FHIT: variants seen among roughly 807,000 people sequenced by gnomAD.
FHIT encodes the protein bis(5'-adenosyl)-triphosphatase.
In FHIT, 19 loss-of-function variants were observed where a neutral mutation model predicts 17.9. That is an observed-to-expected ratio of 1.06 (90% CI 0.74 to 1.56). FHIT has a LOEUF of 1.56. FHIT is among the 40% of genes most tolerant of loss of function. FHIT has a pLI of 0.00. For synonymous variants in FHIT, 81 were observed against 69.7 expected, an observed-to-expected ratio of 1.16 and a Z score of -0.81; for missense variants, 248 against 189.2, an observed-to-expected ratio of 1.31 and a Z score of -1.82.
intron 5 of FHIT, among the ~76,000 whole-genome samples, chr3:60,500,462 C>G (rs1043581194): frequency 6.6e-6 from 1 of 152,068 alleles, no homozygotes. Flanking sequence ...GTAAGCATCA[C>G]CTAGCAAGAG....
intron 8 of FHIT, among the ~76,000 whole-genome samples, chr3:59,882,987 A>G (rs545052506): frequency 6.6e-5 from 10 of 152,324 alleles, no homozygotes; most frequent in Admixed American, 1.3e-4. Context: ...TTACTAGGTC[A>G]GCAAACCTCC....
At chr3:61,104,922 A>G (rs1404594745) in intron 2 of FHIT, among the ~76,000 whole-genome samples, 1 of 152,084 alleles carries the variant, frequency 6.6e-6, no homozygotes, top group Non-Finnish European at 1.5e-5. Flanking sequence ...TATGAGGTCA[A>G]TTACATTCTT....
intron 3 of FHIT, among the ~76,000 whole-genome samples, chr3:60,860,173 T>TAC (rs1559778171): frequency 0.041 from 3,467 of 85,198 alleles, 629 homozygotes; most frequent in African/African-American, 0.074. Context: ...ATCATATGTA[T>TAC]ATATGGTATA....
At chr3:60,566,351 C>A (rs2037133383) in intron 4 of FHIT, among the ~76,000 whole-genome samples, 1 of 152,068 alleles carries the variant, frequency 6.6e-6, no homozygotes, top group Non-Finnish European at 1.5e-5. Context: ...GAACCAACGA[C>A]AAAAACCACA....
chr3:60,840,082 C>T (rs561171156), intron 3 of FHIT, among the ~76,000 whole-genome samples: 2 of 152,142 alleles, frequency 1.3e-5, no homozygotes, highest in African/African-American at 4.8e-5. Context: ...GGAAAGATAT[C>T]TTCAGAGCCT....
At chr3:60,608,961 A>G (rs992528894) in intron 4 of FHIT, among the ~76,000 whole-genome samples, 3 of 152,036 alleles carry the variant, frequency 2.0e-5, no homozygotes, top group Non-Finnish European at 4.4e-5. Context: ...ATGTTTTAAA[A>G]GTCAGTTGAT....
intron 3 of FHIT, among the ~76,000 whole-genome samples, chr3:60,978,398 C>T (rs989280107): frequency 2.0e-5 from 3 of 152,132 alleles, no homozygotes; most frequent in Non-Finnish European, 4.4e-5. Context: ...TAGGGAAACC[C>T]AAGCCTCAGG....
At chr3:60,406,954 C>T (rs1157639897) in intron 5 of FHIT, among the ~76,000 whole-genome samples, 2 of 151,858 alleles carry the variant, frequency 1.3e-5, no homozygotes, top group African/African-American at 2.4e-5. Context: ...TAAGACTGTT[C>T]AGTAGCACTT....
Position 61,083,365 on chromosome 3 carries a change from C to T in FHIT, c.-163-41266G>A, listed in dbSNP as rs1463086312. Reference sequence around the variant, plus strand: ...CAGCACTTTGGGAGGCCGAGGCGGGCGGATCACGAGGTCAGGAGATCGAGA... The same window carrying T: ...CAGCACTTTGGGAGGCCGAGGCGGGTGGATCACGAGGTCAGGAGATCGAGA... On this transcript the variant is annotated intron_variant, in intron 2 of 9. Coordinates refer to ENST00000492590, the MANE Select transcript of FHIT (RefSeq NM_002012.4). 6.6e-5 allele frequency among the ~76,000 whole-genome samples: 10 copies of T among 152,220 alleles called. No homozygotes were observed. The East Asian group carries it at 7.8e-4, about 12-fold the overall frequency.
At chr3:59,823,936 T>C (rs1700887159) in intron 8 of FHIT, among the ~76,000 whole-genome samples, 1 of 152,144 alleles carries the variant, frequency 6.6e-6, no homozygotes, top group African/African-American at 2.4e-5. Flanking sequence ...TATGATCATA[T>C]ACCTAGGAAA....
At chr3:60,058,130 GTTTTTTTTTTTTTTTT>G (rs71089573) in intron 5 of FHIT, among the ~76,000 whole-genome samples, 4 of 66,272 alleles carry the variant, frequency 6.0e-5, no homozygotes, top group Admixed American at 5.5e-4. Context: ...ACAGAGTTGT[GTTTTTTTTTTTTTTTT>G]TTTTTTTTTT....
chr3:60,955,610 A>ATATATATACATATATATATATACG (rs1709092706), intron 3 of FHIT, among the ~76,000 whole-genome samples: 1 of 13,118 alleles, frequency 7.6e-5, no homozygotes, highest in Non-Finnish European at 1.8e-4. Flanking sequence ...ATATATATAT[A>ATATATATACATATATATATATACG]TATATATATA....
chr3:60,803,089 A>T (rs1310164495), intron 4 of FHIT, among the ~76,000 whole-genome samples: 4 of 152,166 alleles, frequency 2.6e-5, no homozygotes, highest in African/African-American at 9.7e-5. Flanking sequence ...ATTTCTGGTG[A>T]TCAGATTATC....
chr3:59,785,220 G>A (rs1235322422), intron 8 of FHIT, among the ~76,000 whole-genome samples: 2 of 151,940 alleles, frequency 1.3e-5, no homozygotes, highest in African/African-American at 4.8e-5. Context: ...AGATTTGGTG[G>A]GGACACATAT....
At chr3:61,015,306 G>C (rs2032048957) in intron 3 of FHIT, among the ~76,000 whole-genome samples, 2 of 152,094 alleles carry the variant, frequency 1.3e-5, no homozygotes, top group Admixed American at 1.3e-4. Context: ...CAGCCTCTCT[G>C]TATGTAACTT....
intron 5 of FHIT, among the ~76,000 whole-genome samples, chr3:60,315,666 A>G (rs1709134046): frequency 2.0e-5 from 3 of 152,192 alleles, no homozygotes. Flanking sequence ...TGCATTTTGT[A>G]AGTATACTAC....
At chr3:60,045,735 G>A (rs927616303) in intron 5 of FHIT, among the ~76,000 whole-genome samples, 7 of 152,164 alleles carry the variant, frequency 4.6e-5, no homozygotes, top group Non-Finnish European at 8.8e-5. Context: ...TACTTAGGAG[G>A]CAGAACTGAA....
chr3:60,517,004 T>G (rs985458024), intron 5 of FHIT, among the ~76,000 whole-genome samples: 1 of 152,204 alleles, frequency 6.6e-6, no homozygotes, highest in Non-Finnish European at 1.5e-5. Flanking sequence ...TTCAAAACCC[T>G]TTCATGTTCA....
intron 5 of FHIT, among the ~76,000 whole-genome samples, chr3:60,392,277 T>C (rs1001570873): frequency 3.3e-5 from 5 of 152,202 alleles, no homozygotes; most frequent in African/African-American, 4.8e-5. Flanking sequence ...ATCAAATTTA[T>C]GGCGAAGCTT....
Sources: allele counts gnomAD v4.1 joint callset (sites outside exome capture counted in the v4.1 genomes callset), GRCh38; gene constraint gnomAD v4.1.1; transcripts MANE v1.5; gene names NCBI Gene and HGNC (gene_info 2026-07-23, HGNC 2026-07-21).